Variants in CSMD1 observed in about 807,000 individuals in gnomAD.
CSMD1 encodes CUB and Sushi multiple domains 1.
Under a neutral mutation model 417.5 loss-of-function variants are expected in CSMD1, and 213 were observed. The observed-to-expected ratio is 0.51, with a 90% CI of 0.46 to 0.57. The LOEUF (loss-of-function observed/expected upper bound fraction) is 0.57, where lower values mean the gene tolerates loss of function less well. Ranked by LOEUF, CSMD1 falls within the 20% of genes least tolerant of loss-of-function variation. CSMD1 has a pLI of 0.00. For missense variants in CSMD1, 6,923 were observed against 4,529.7 expected, an observed-to-expected ratio of 1.53 and a Z score of -15.17; for synonymous variants, 2,862 against 1,736.8, an observed-to-expected ratio of 1.65 and a Z score of -16.11.
At chr8:3,701,500 G>C (rs985069957) in intron 7 of CSMD1, among the ~76,000 whole-genome samples, 3 of 91,484 alleles carry the variant, frequency 3.3e-5, no homozygotes, top group African/African-American at 9.6e-5. Flanking sequence ...CAGGATATAG[G>C]ATTAAACCTT....
At chr8:3,916,499 G>C (rs917376564) in intron 5 of CSMD1, among the ~76,000 whole-genome samples, 1 of 152,054 alleles carries the variant, frequency 6.6e-6, no homozygotes, top group African/African-American at 2.4e-5. Context: ...CTGATAAATG[G>C]GAATTAACTT....
At chr8:3,807,335 G>C (rs1800801981) in intron 5 of CSMD1, among the ~76,000 whole-genome samples, 2 of 152,134 alleles carry the variant, frequency 1.3e-5, no homozygotes, top group African/African-American at 4.8e-5. Context: ...ACTTGACAAA[G>C]AGAAAAGTAA....
intron 15 of CSMD1, among the ~76,000 whole-genome samples, chr8:3,405,375 A>C (rs1387043162): frequency 2.0e-5 from 3 of 152,200 alleles, no homozygotes; most frequent in Non-Finnish European, 4.4e-5. Flanking sequence ...TTTCCTCTCT[A>C]TATTTATTAG....
At chr8:4,809,567 A>T (rs1039500757) in intron 1 of CSMD1, among the ~76,000 whole-genome samples, 1 of 152,190 alleles carries the variant, frequency 6.6e-6, no homozygotes. Context: ...TAGACCCATG[A>T]GCTCTACTCC....
chr8:4,196,617 G>C (rs1318918996), intron 3 of CSMD1, among the ~76,000 whole-genome samples: 1 of 152,114 alleles, frequency 6.6e-6, no homozygotes, highest in African/African-American at 2.4e-5. Flanking sequence ...GAATCTTCAA[G>C]GCCAGCAATG....
chr8:4,161,186 G>C (rs1327384879), intron 3 of CSMD1, among the ~76,000 whole-genome samples: 1 of 151,916 alleles, frequency 6.6e-6, no homozygotes, highest in Non-Finnish European at 1.5e-5. Context: ...CTTGCAATGT[G>C]CTACTTCCTA....
chr8:3,986,817 G>T (rs1814359362), intron 5 of CSMD1, among the ~76,000 whole-genome samples: 1 of 151,942 alleles, frequency 6.6e-6, no homozygotes, highest in Non-Finnish European at 1.5e-5. Flanking sequence ...ATGCAGTGAT[G>T]CGATCTCGGC....
chr8:3,205,450 A>T, intron 31 of CSMD1, 54 bp downstream of exon 31: 1 of 914,268 alleles, frequency 1.1e-6, no homozygotes, highest in Admixed American at 2.6e-5. Context: ...TGACAGAAAA[A>T]TTAACACTGA....
intron 3 of CSMD1, among the ~76,000 whole-genome samples, chr8:4,233,990 T>A (rs1801894693): frequency 6.6e-6 from 1 of 152,058 alleles, no homozygotes; most frequent in Non-Finnish European, 1.5e-5. Flanking sequence ...GGGGAACATG[T>A]GATCCCTTCT....
chr8:3,496,540 A>T (rs2117318449), intron 10 of CSMD1, among the ~76,000 whole-genome samples: 1 of 152,264 alleles, frequency 6.6e-6, no homozygotes, highest in Admixed American at 6.5e-5. Context: ...ACTATATCTC[A>T]TAGGTTTTGG....
At chr8:4,305,033 T>C (rs1585196413) in intron 3 of CSMD1, among the ~76,000 whole-genome samples, 1 of 152,196 alleles carries the variant, frequency 6.6e-6, no homozygotes, top group African/African-American at 2.4e-5. Flanking sequence ...TTCCCCACGT[T>C]AGAGTCCCTT....
chr8:2,946,461 G>A (rs1302848341), intron 68 of CSMD1, among the ~76,000 whole-genome samples: 1 of 152,094 alleles, frequency 6.6e-6, no homozygotes, highest in Non-Finnish European at 1.5e-5. Context: ...TGCCTGTTAT[G>A]GACATCTCCT....
intron 26 of CSMD1, among the ~76,000 whole-genome samples, chr8:3,272,592 C>T (rs1237173978): frequency 1.5e-5 from 2 of 136,274 alleles, no homozygotes; most frequent in Non-Finnish European, 3.2e-5. Context: ...TTGTTTGTAT[C>T]TTCTTTTATT....
At chr8:4,366,350 T>C (rs894625706) in intron 3 of CSMD1, among the ~76,000 whole-genome samples, 1 of 152,226 alleles carries the variant, frequency 6.6e-6, no homozygotes, top group Non-Finnish European at 1.5e-5. Flanking sequence ...TCGTGGCTGA[T>C]TCCACGTGTT....
intron 1 of CSMD1, among the ~76,000 whole-genome samples, chr8:4,897,470 G>T (rs1042095648): frequency 6.6e-6 from 1 of 152,132 alleles, no homozygotes; most frequent in South Asian, 2.1e-4. Flanking sequence ...TATCTTTAAG[G>T]AGTGGTTTGG....
intron 8 of CSMD1, among the ~76,000 whole-genome samples, chr8:3,606,593 T>G (rs1447758187): frequency 1.3e-5 from 2 of 152,168 alleles, no homozygotes; most frequent in South Asian, 2.1e-4. Context: ...AGGACATGAC[T>G]GTACACTCCT....
intron 1 of CSMD1, among the ~76,000 whole-genome samples, chr8:4,924,319 T>C (rs138951947): frequency 8.5e-5 from 13 of 152,374 alleles, no homozygotes; most frequent in African/African-American, 2.9e-4. Flanking sequence ...ATTATGTTCA[T>C]GTAAAATGAA....
chr8:3,092,074 T>C (rs539063931), intron 47 of CSMD1, among the ~76,000 whole-genome samples: 122 of 152,260 alleles, frequency 8.0e-4, no homozygotes, highest in Non-Finnish European at 1.4e-3. Flanking sequence ...TCCAGTAAAA[T>C]TGAAGGTTTA....
At chr8:3,377,310 C>T (rs749337078) in intron 18 of CSMD1, among the ~76,000 whole-genome samples, 2 of 152,144 alleles carry the variant, frequency 1.3e-5, no homozygotes, top group African/African-American at 2.4e-5. Flanking sequence ...CCATGCCTGG[C>T]TTATTAATAG....
Sources: allele counts gnomAD v4.1 joint callset (sites outside exome capture counted in the v4.1 genomes callset), GRCh38; gene constraint gnomAD v4.1.1; transcripts MANE v1.5; gene names NCBI Gene and HGNC (gene_info 2026-07-23, HGNC 2026-07-21).